PDE7A: variants seen among roughly 807,000 people sequenced by gnomAD.
PDE7A encodes phosphodiesterase 7A.
PDE7A carries 39 observed loss-of-function variants against 64.3 expected under a neutral mutation model. That is an observed-to-expected ratio of 0.61 (90% CI 0.47 to 0.79). The LOEUF (loss-of-function observed/expected upper bound fraction) is 0.79, where lower values mean the gene tolerates loss of function less well. PDE7A is among the 30% of genes least tolerant of loss of function. PDE7A has a pLI of 0.00. For missense variants in PDE7A, 470 were observed against 582.8 expected (o/e 0.81, Z 1.99); for synonymous variants, 203 against 206.8 (o/e 0.98, Z 0.16).
intron 3 of PDE7A, among the ~76,000 whole-genome samples, chr8:65,760,387 A>G (rs1808431977): frequency 6.6e-6 from 1 of 152,218 alleles, no homozygotes; most frequent in Non-Finnish European, 1.5e-5. Context: ...TATTTTGCTT[A>G]CAAACAATTC....
chr8:65,761,769 G>A (rs1381679340), intron 3 of PDE7A, among the ~76,000 whole-genome samples: 2 of 152,170 alleles, frequency 1.3e-5, no homozygotes, highest in African/African-American at 2.4e-5. Context: ...GATAGCAGAC[G>A]AATGTAAAAG....
At chr8:65,729,625 G>A (rs774290555) in intron 7 of PDE7A, among the ~76,000 whole-genome samples, 28 of 152,112 alleles carry the variant, frequency 1.8e-4, no homozygotes, top group Non-Finnish European at 3.4e-4. Context: ...GTGCAGTGGT[G>A]CGATCTCGGC....
At chr8:65,767,433 T>C (rs1808847275) in intron 3 of PDE7A, among the ~76,000 whole-genome samples, 1 of 152,222 alleles carries the variant, frequency 6.6e-6, no homozygotes, top group Admixed American at 6.5e-5. Context: ...TCATCCACAG[T>C]CCCAGGCTAA....
intron 3 of PDE7A, among the ~76,000 whole-genome samples, chr8:65,754,174 C>G (rs1808104799): frequency 6.6e-6 from 1 of 152,052 alleles, no homozygotes; most frequent in Non-Finnish European, 1.5e-5. Context: ...GGAAGCTAGG[C>G]CAGTCTAGTC....
chr8:65,819,612 G>C (rs560746368), intron 1 of PDE7A, among the ~76,000 whole-genome samples: 1 of 152,166 alleles, frequency 6.6e-6, no homozygotes, highest in South Asian at 2.1e-4. Context: ...TAAAACCATG[G>C]TACACACAAC....
chr8:65,729,831 A>T (rs1225880084), intron 7 of PDE7A, among the ~76,000 whole-genome samples: 1 of 151,986 alleles, frequency 6.6e-6, no homozygotes, highest in Non-Finnish European at 1.5e-5. Context: ...GGCCTCCCAA[A>T]GTGCTGGAAT....
intron 1 of PDE7A, among the ~76,000 whole-genome samples, chr8:65,832,845 T>G (rs978572005): frequency 2.0e-5 from 3 of 152,114 alleles, no homozygotes; most frequent in Non-Finnish European, 4.4e-5. Context: ...ACACCAGATC[T>G]CCTTATTTCC....
chr8:65,815,842 C>T (rs530081365), intron 1 of PDE7A, among the ~76,000 whole-genome samples: 26 of 152,220 alleles, frequency 1.7e-4, no homozygotes, highest in African/African-American at 5.5e-4. Flanking sequence ...GAATTTTCAC[C>T]ATTATATGAA....
At chr8:65,807,147 T>C (rs1404082966) in intron 1 of PDE7A, among the ~76,000 whole-genome samples, 1 of 152,262 alleles carries the variant, frequency 6.6e-6, no homozygotes, top group Admixed American at 6.5e-5. Context: ...TTTAACAATA[T>C]TAAGTTTTCC....
At chr8:65,812,284 G>A (rs1329947262) in intron 1 of PDE7A, among the ~76,000 whole-genome samples, 4 of 151,992 alleles carry the variant, frequency 2.6e-5, no homozygotes, top group South Asian at 2.1e-4. Flanking sequence ...TAGAGGTGGT[G>A]TTTCAAATAA....
intron 1 of PDE7A, among the ~76,000 whole-genome samples, chr8:65,826,997 C>T (rs922397499): frequency 1.3e-5 from 2 of 152,120 alleles, no homozygotes; most frequent in South Asian, 4.1e-4. Flanking sequence ...CCAGAGATAC[C>T]ACTCATTGAA....
intron 1 of PDE7A, among the ~76,000 whole-genome samples, chr8:65,784,815 T>C (rs1809503250): frequency 6.6e-6 from 1 of 151,980 alleles, no homozygotes; most frequent in African/African-American, 2.4e-5. Context: ...AATATACTAT[T>C]CACAAGGTTA....
chr8:65,818,395 T>A (rs1469002836), intron 1 of PDE7A, among the ~76,000 whole-genome samples: 1 of 152,230 alleles, frequency 6.6e-6, no homozygotes, highest in East Asian at 1.9e-4. Flanking sequence ...ATATGTGGAA[T>A]CTGTCTCCTC....
At chr8:65,737,940 A>G (rs1807221702) in intron 6 of PDE7A, among the ~76,000 whole-genome samples, 2 of 152,248 alleles carry the variant, frequency 1.3e-5, no homozygotes, top group Non-Finnish European at 2.9e-5. Flanking sequence ...TCTCTACTTA[A>G]AATTGAAAGA....
chr8:65,818,307 G>A (rs1810463979), intron 1 of PDE7A, among the ~76,000 whole-genome samples: 1 of 151,954 alleles, frequency 6.6e-6, no homozygotes, highest in Non-Finnish European at 1.5e-5. Flanking sequence ...AGATAATGTA[G>A]TGACTCAGAA....
chr8:65,755,522 T>C (rs745496933), intron 3 of PDE7A, among the ~76,000 whole-genome samples: 16 of 152,324 alleles, frequency 1.1e-4, no homozygotes, highest in South Asian at 1.0e-3. Flanking sequence ...ACTGCTCGTA[T>C]GCATCTCCAA....
rs1418241706 is a variant in PDE7A, at chr8:65,788,212, A to G, written c.139-5369T>C. On this transcript the variant is annotated intron_variant, in intron 1 of 12. Transcript: ENST00000401827. Reference sequence around the variant, plus strand: ...TGAAAGATATAATCATTTTTATAGAAGAATAGAAAAAAATAATTTCAAAGA... The same window carrying G: ...TGAAAGATATAATCATTTTTATAGAGGAATAGAAAAAAATAATTTCAAAGA... Among the ~76,000 whole-genome samples, 14 of 152,260 alleles carry G rather than the reference A, an allele frequency of 9.2e-5. No homozygotes were observed. In the East Asian group the frequency reaches 2.7e-3, roughly 29 times the overall value.
intron 1 of PDE7A, among the ~76,000 whole-genome samples, chr8:65,798,206 A>ATATTTTTTTTTTTTTTTTT: frequency 1.4e-5 from 1 of 73,834 alleles, no homozygotes; most frequent in African/African-American, 5.8e-5. Flanking sequence ...ATATATATAT[A>ATATTTTTTTTTTTTTTTTT]TTTTTTTTTT....
At chr8:65,763,008 TGTGTGTGTGTGTG>T (rs1808587806) in intron 3 of PDE7A, among the ~76,000 whole-genome samples, 1 of 146,080 alleles carries the variant, frequency 6.8e-6, no homozygotes, top group Non-Finnish European at 1.5e-5. Flanking sequence ...TGTGTGTGTG[TGTGTGTGTGTGTG>T]TGTGTGTGTG....
Sources: allele counts gnomAD v4.1 joint callset (sites outside exome capture counted in the v4.1 genomes callset), GRCh38; gene constraint gnomAD v4.1.1; transcripts MANE v1.5; gene names NCBI Gene and HGNC (gene_info 2026-07-23, HGNC 2026-07-21).